The following EEA1 variants were observed in gnomAD, a reference collection of about 807,000 sequenced individuals.
The protein encoded by EEA1 is early endosome antigen 1.
A neutral mutation model predicts 209.2 loss-of-function variants in EEA1; 111 were observed. The observed-to-expected ratio is 0.53, with a 90% CI of 0.45 to 0.62. The LOEUF is 0.62. Ranked by LOEUF, EEA1 falls within the 20% of genes least tolerant of loss-of-function variation. The pLI, the probability that EEA1 is intolerant of heterozygous loss-of-function variation, is 0.00. For missense variants in EEA1, 1,343 were observed against 1,530.8 expected (o/e 0.88, Z 2.05); for synonymous variants, 536 against 540.6 (o/e 0.99, Z 0.12).
rs75236784 is a variant in EEA1 at position 92,872,500 on chromosome 12, A to G, written c.118-7513T>C. The stretch of plus-strand genomic sequence containing the variant: ...TGAGATCCCATTCTTCCCCACACCC[A>G]TAATTCCCAGCAGATGATTCTTCCT... On this transcript the variant is annotated intron_variant, in intron 2 of 28. Transcript: ENST00000322349. 2.0e-5 allele frequency among the ~76,000 whole-genome samples: 3 copies of G among 152,368 alleles called. No individual in the cohort carries two copies. The East Asian group carries it at 5.8e-4, about 29-fold the overall frequency.
intron 2 of EEA1, among the ~76,000 whole-genome samples, chr12:92,871,596 C>A (rs1228749753): frequency 6.6e-6 from 1 of 152,064 alleles, no homozygotes; most frequent in African/African-American, 2.4e-5. Context: ...CAAGACAATG[C>A]AAATAGAAAT....
At chr12:92,908,658 T>TAATATG (rs1880467801) in intron 1 of EEA1, among the ~76,000 whole-genome samples, 1 of 152,138 alleles carries the variant, frequency 6.6e-6, no homozygotes, top group Non-Finnish European at 1.5e-5. Context: ...ATCTTAGCCA[T>TAATATG]AATATTCATA....
At chr12:92,860,192 G>C (rs1878076313) in intron 3 of EEA1, among the ~76,000 whole-genome samples, 1 of 152,176 alleles carries the variant, frequency 6.6e-6, no homozygotes, top group Non-Finnish European at 1.5e-5. Flanking sequence ...TGGCATCTTT[G>C]TGATGCCATA....
intron 1 of EEA1, among the ~76,000 whole-genome samples, chr12:92,897,091 T>C (rs1879917080): frequency 6.6e-6 from 1 of 152,162 alleles, no homozygotes; most frequent in East Asian, 1.9e-4. Flanking sequence ...GAATAGGGTC[T>C]GGAGGCAAGG....
chr12:92,780,164 C>A, intron 24 of EEA1, 116 bp downstream of exon 24: 2 of 1,107,542 alleles, frequency 1.8e-6, no homozygotes, highest in Admixed American at 2.9e-5. Context: ...AACAACAGAA[C>A]AATTTGCCTA....
intron 1 of EEA1, among the ~76,000 whole-genome samples, 157 bp downstream of exon 1, chr12:92,928,886 C>T (rs1881314647): frequency 6.6e-6 from 1 of 150,870 alleles, no homozygotes. Flanking sequence ...ACCCGCCCTC[C>T]CCGCCCCCGG....
intron 3 of EEA1, chr12:92,858,521 G>A (rs2136716371): frequency 1.2e-6 from 1 of 821,916 alleles, no homozygotes; most frequent in Non-Finnish European, 2.1e-6. Context: ...ATGAAACTGA[G>A]GAGTGTATGT....
chr12:92,833,180 T>C (rs1361626040), intron 10 of EEA1, among the ~76,000 whole-genome samples: 1 of 152,218 alleles, frequency 6.6e-6, no homozygotes, highest in Non-Finnish European at 1.5e-5. Flanking sequence ...ACTACCATTC[T>C]ACCAACAAAT....
intron 3 of EEA1, chr12:92,858,608 G>A (rs1877992541): frequency 1.4e-6 from 1 of 736,088 alleles, no homozygotes. Flanking sequence ...ACTTTGCCTG[G>A]GTTATGCCCT....
At chr12:92,787,287 C>A (rs61933713) in intron 22 of EEA1, among the ~76,000 whole-genome samples, 1 of 151,854 alleles carries the variant, frequency 6.6e-6, no homozygotes, top group South Asian at 2.1e-4. Flanking sequence ...AAACTGGTAC[C>A]TTCCTGTGAC....
chr12:92,800,549 A>C (rs1874860824), intron 20 of EEA1, among the ~76,000 whole-genome samples: 1 of 152,228 alleles, frequency 6.6e-6, no homozygotes, highest in African/African-American at 2.4e-5. Context: ...TGAATAGCAA[A>C]ATATTTTTAT....
chr12:92,893,413 A>G (rs970228808), intron 1 of EEA1, among the ~76,000 whole-genome samples: 1 of 152,126 alleles, frequency 6.6e-6, no homozygotes, highest in African/African-American at 2.4e-5. Flanking sequence ...ACTAACCAAT[A>G]CTGCTTCTCT....
chr12:92,784,346 T>C (rs922191904), intron 22 of EEA1, among the ~76,000 whole-genome samples: 1 of 152,176 alleles, frequency 6.6e-6, no homozygotes, highest in Non-Finnish European at 1.5e-5. Flanking sequence ...ATACCACATG[T>C]GGGAACTGAC....
intron 13 of EEA1, among the ~76,000 whole-genome samples, chr12:92,822,727 C>G (rs1876117599): frequency 6.6e-6 from 1 of 152,174 alleles, no homozygotes; most frequent in Admixed American, 6.5e-5. Context: ...CTGATCACAT[C>G]TACTCTAATA....
rs201121337 is a variant in EEA1, at chr12:92,852,971, A to T, written c.461T>A (p.Ile154Asn). The change falls in exon 7 of 29, where the codon ATT becomes AAT. Residue 154 changes from isoleucine to asparagine, a missense_variant. Transcript: ENST00000322349. ...LEEAQTENFN[I>N]KQMKDLFEQK... ...TTCAAATAAGTCTTTCATTTGCTTA[A>T]TATTAAAATTTTCTGTTTGGGCTTC... 16 of 1,612,358 alleles carry T rather than the reference A, an allele frequency of 9.9e-6. No individual in the cohort carries two copies. The African/African-American group carries it at 1.7e-4, about 17-fold the overall frequency.
intron 2 of EEA1, 108 bp downstream of exon 2, chr12:92,891,521 A>T: frequency 1.2e-6 from 1 of 842,390 alleles, no homozygotes; most frequent in Non-Finnish European, 1.8e-6. Context: ...AACTTTTACA[A>T]GAAAAACTTG....
Position 92,777,986 on chromosome 12 carries a change from G to T in EEA1, c.3848C>A (p.Ala1283Glu). The T allele has an allele frequency of 6.2e-7, 1 of 1,613,046 alleles. No individual in the cohort carries two copies. The highest frequency in any genetic ancestry group is 1.1e-5 in the South Asian group (1 of 91,050). Residue 1283 changes from alanine to glutamate, a missense_variant, in exon 26 of 29, where the codon GCA (alanine) becomes GAA (glutamate). Coordinates refer to ENST00000322349, the MANE Select transcript of EEA1 (RefSeq NM_003566.4). The part of the protein sequence containing the change: ...DLRGEIAVLE[A>E]TVQNNQDERR... ...TTCATCTTGATTATTCTGAACCGTT[G>T]CTTCTAATACTGCAATTTCACCCCG...
chr12:92,815,564 T>G (rs1230036954), intron 15 of EEA1, among the ~76,000 whole-genome samples: 1 of 152,208 alleles, frequency 6.6e-6, no homozygotes, highest in East Asian at 1.9e-4. Flanking sequence ...CTTGAACTAT[T>G]TCTATAAATT....
chr12:92,851,043 G>T, intron 9 of EEA1, 68 bp downstream of exon 9: 1 of 1,417,828 alleles, frequency 7.1e-7, no homozygotes. Flanking sequence ...TCAAATCCTG[G>T]CTTCACTCAA....
Sources: gnomAD v4.1 joint callset for allele counts (sites outside exome capture counted in the v4.1 genomes callset) on GRCh38, gnomAD v4.1.1 for gene constraint, MANE v1.5 for transcripts, NCBI Gene and HGNC (gene_info 2026-07-23, HGNC 2026-07-21) for gene names.